MDN1: variants seen among roughly 807,000 people sequenced by gnomAD.
MDN1 encodes the protein midasin.
In MDN1, 266 loss-of-function variants were observed where a neutral mutation model predicts 669.2. The ratio of observed to expected loss-of-function variants is 0.40; its 90% CI spans 0.36 to 0.44. The LOEUF is 0.44. Among genes scored for constraint, MDN1 ranks in the 20% least tolerant of loss-of-function variants. The pLI, the probability that MDN1 is intolerant of heterozygous loss-of-function variation, is 1.00. For synonymous variants in MDN1, 2,385 were observed against 2,457.1 expected (o/e 0.97, Z 0.87); for missense variants, 5,940 against 6,754.0 (o/e 0.88, Z 4.22).
Position 89,749,635 on chromosome 6 carries a change from G to A in MDN1, c.3523C>T (p.Leu1175=), listed in dbSNP as rs772176101. The A allele has an allele frequency of 1.1e-5, 18 of 1,614,136 alleles. No homozygotes were observed. The highest frequency in any genetic ancestry group is 1.5e-5 in the Non-Finnish European group (18 of 1,180,010). Residue 1175 remains leucine (L), a synonymous_variant, in exon 25 of 102, where the codon CTA becomes TTA. Coordinates refer to ENST00000369393, the MANE Select transcript of MDN1 (RefSeq NM_014611.3). ...NRLLDDNREL[L]VTETQEVVKA... is the part of the protein sequence containing the mutation. ...ACAACTTCCTGTGTTTCTGTTACTA[G>A]CAATTCACGGTTATCATCCAACAGC...
chr6:89,710,812 AC>A lies in MDN1; in HGVS notation c.7652-19del. 2 of 1,472,746 alleles carry A rather than the reference AC, an allele frequency of 1.4e-6. No homozygotes were observed. The highest frequency in any genetic ancestry group is 1.9e-6 in the Non-Finnish European group (2 of 1,059,370). 91.2% of individuals were successfully genotyped at this position (1,472,746 alleles called of 1,614,324 possible). On this transcript the variant is annotated intron_variant, in intron 49 of 101. Coordinates refer to ENST00000369393, the MANE Select transcript of MDN1 (RefSeq NM_014611.3). ...TATGGACTCTGTGGAGGAAGGAGAA[AC>A]CAGTGTTAGACTCTAAAGCAGTGCT...
chr6:89,789,987 A>G (rs1819165198), intron 6 of MDN1, 76 bp from the exon 7 acceptor site: 17 of 1,589,064 alleles, frequency 1.1e-5, no homozygotes, highest in Non-Finnish European at 1.5e-5. Flanking sequence ...ATTAACTGTT[A>G]ATCTTCTATA....
chr6:89,654,255 A>T lies in MDN1; in HGVS notation c.15570T>A (p.Leu5190=), dbSNP rs754621142. The T allele has an allele frequency of 1.2e-6, 2 of 1,614,160 alleles. No individual in the cohort carries two copies. Among genetic ancestry groups the T allele is most frequent in the Non-Finnish European group, 1.7e-6 (2 of 1,180,026 alleles). The change falls in exon 93 of 102, where the codon CTT becomes CTA. Residue 5190 remains leucine (L), a synonymous_variant. Transcript: ENST00000369393. ...DQEEEEIEDT[L]MDTEEQEEFK... is the part of the protein sequence containing the mutation. ...ACTCCTCCTGCTCCTCTGTGTCCAT[A>T]AGGGTGTCCTCTATCTCCTCCTCTT...
At chr6:89,671,763 A>C (rs1156883122) in intron 82 of MDN1, among the ~76,000 whole-genome samples, 1 of 152,242 alleles carries the variant, frequency 6.6e-6, no homozygotes, top group Non-Finnish European at 1.5e-5. Context: ...AATGCTACAG[A>C]ATAACATACA....
chr6:89,695,713 C>G lies in MDN1; in HGVS notation c.9663G>C (p.Gly3221=), dbSNP rs745401498. The G allele has an allele frequency of 6.2e-7, 1 of 1,613,778 alleles. No individual in the cohort carries two copies. Among genetic ancestry groups the G allele is most frequent in the East Asian group, 2.2e-5 (1 of 44,866 alleles). Residue 3221 remains glycine (G), a synonymous_variant, in exon 61 of 102, where the codon GGG becomes GGC. Transcript: ENST00000369393. This position sits in a 1 kb window ranked among gnomAD's most constrained non-coding sequence, Gnocchi z 4.1. ...KRSLPEPAQR[G]SLWVSLGLLQ... ...GCAAGCCGAGGCTCACCCAGAGGCT[C>G]CCACGCTGGGCTGGCTCAGGCAGGC...
intron 92 of MDN1, 25 bp from the exon 93 acceptor site, chr6:89,654,359 CAT>C: frequency 6.2e-7 from 1 of 1,612,972 alleles, no homozygotes; most frequent in South Asian, 1.1e-5. Flanking sequence ...CGCACCCACA[CAT>C]AAAAATCCTA....
At chr6:89,781,673 T>A in intron 9 of MDN1, 81 bp from the exon 10 acceptor site, 1 of 1,266,142 alleles carries the variant, frequency 7.9e-7, no homozygotes, top group Admixed American at 2.3e-5. Flanking sequence ...CTGAAACTGG[T>A]CAGCCAAAAA....
intron 97 of MDN1, 113 bp from the exon 98 acceptor site, chr6:89,648,442 T>G: frequency 1.0e-6 from 1 of 953,722 alleles, no homozygotes; most frequent in Non-Finnish European, 1.6e-6. Context: ...GTTTGGCAAG[T>G]AGAGGAATAA....
chr6:89,725,998 T>C (rs1397530126), intron 37 of MDN1, among the ~76,000 whole-genome samples: 1 of 151,832 alleles, frequency 6.6e-6, no homozygotes, highest in Admixed American at 6.6e-5. Flanking sequence ...TTAATAATCT[T>C]TAAACTGAAT....
intron 76 of MDN1, among the ~76,000 whole-genome samples, chr6:89,676,913 T>G (rs755129691): frequency 1.5e-4 from 22 of 151,394 alleles, no homozygotes; most frequent in Middle Eastern, 6.9e-3. Flanking sequence ...TTAGAACTTA[T>G]GAGGAGTGTA....
At chr6:89,766,776 G>A (rs1268983187) in intron 15 of MDN1, among the ~76,000 whole-genome samples, 1 of 152,180 alleles carries the variant, frequency 6.6e-6, no homozygotes, top group Non-Finnish European at 1.5e-5. Flanking sequence ...TTCATGTCAT[G>A]GACAGGGTTC....
chr6:89,748,725 A>G (rs1305455048), intron 26 of MDN1, among the ~76,000 whole-genome samples: 4 of 152,056 alleles, frequency 2.6e-5, no homozygotes, highest in Non-Finnish European at 5.9e-5. Context: ...TGATTAAAAA[A>G]AAAAACTAAA....
Position 89,713,168 on chromosome 6 carries a change from G to A in MDN1, c.7198C>T (p.His2400Tyr), listed in dbSNP as rs756214653. 3 of 1,613,582 alleles carry A rather than the reference G, an allele frequency of 1.9e-6. No homozygotes were observed. The South Asian group carries it at 3.3e-5, about 18-fold the overall frequency. The change falls in exon 47 of 102, where the codon CAT (histidine) becomes TAT (tyrosine). Residue 2400 changes from histidine (H) to tyrosine (Y), a missense_variant. His to Tyr is a moderately conservative substitution (Grantham distance 83). Around this residue, in one of 5 missense-constraint regions of MDN1, gnomAD observed 2,292 missense variants for 2,638.3 expected, o/e 0.87. Coordinates refer to ENST00000369393, the MANE Select transcript of MDN1 (RefSeq NM_014611.3). The part of the protein sequence containing the change: ...ACWEVYVCSQ[H>Y]SPANRKLVQA... ...AGTACCTTCCGGTTTGCTGGTGAAT[G>A]CTGGGAACAGACATATACTTCCCAG... is the stretch of plus-strand genomic sequence containing the variant.
intron 15 of MDN1, among the ~76,000 whole-genome samples, chr6:89,771,121 C>T (rs1258791104): frequency 6.6e-6 from 1 of 152,198 alleles, no homozygotes; most frequent in Non-Finnish European, 1.5e-5. Flanking sequence ...AAATAAGCAA[C>T]TCACACCTTA....
At chr6:89,685,767 T>C (rs1291480952) in intron 70 of MDN1, 60 bp downstream of exon 70, 3 of 1,574,938 alleles carry the variant, frequency 1.9e-6, no homozygotes, top group Non-Finnish European at 2.6e-6. Flanking sequence ...ATGCAGAGAA[T>C]TCAAAGCCTA....
rs1414522513 is a variant in MDN1 at position 89,643,659 on chromosome 6, TCTC to T, written c.*343_*345del. 1.0e-5 allele frequency: 2 copies of T among 191,216 alleles called. No homozygotes were observed. Among genetic ancestry groups the T allele is most frequent in the Non-Finnish European group, 2.2e-5 (2 of 92,722 alleles). The allele number at this position is 191,216 out of a possible 1,614,324, so 11.8% of individuals were successfully genotyped here. A position where few individuals can be genotyped will look rare whatever the true frequency, so the allele number is the denominator to read the frequency against. On this transcript the variant is annotated 3_prime_UTR_variant, in exon 102 of 102. Transcript: ENST00000369393. ...TCAGAGTCCCATGCTCCTGGCAGCA[TCTC>T]CTCAAGGCACAGGTGCCCAGATCCC...
intron 10 of MDN1, 62 bp from the exon 11 acceptor site, chr6:89,780,355 G>A: frequency 9.3e-7 from 1 of 1,079,384 alleles, no homozygotes; most frequent in Non-Finnish European, 1.3e-6. Flanking sequence ...GACATCAAAG[G>A]CATCAGAATT....
In MDN1 at chr6:89,794,794, G is replaced by C. The variant is rs778344328; in HGVS notation, c.337C>G (p.Leu113Val). 4 of 1,613,800 alleles carry C rather than the reference G, an allele frequency of 2.5e-6. No homozygotes were observed. The East Asian group carries it at 8.9e-5, about 36-fold the overall frequency. ...GGGGATGTGTCCTTGAAATATCTCA[G>C]GGCAAACCTTCAAACACAAAGAATA... ...GNHPDVLPFA[L>V]RYFKDTSPVF... Residue 113 changes from leucine to valine, a missense_variant, in exon 3 of 102, where the codon CTG becomes GTG. Leu to Val is a conservative substitution (Grantham distance 32). Around this residue, in one of 5 missense-constraint regions of MDN1, gnomAD observed 1,203 missense variants for 1,268.9 expected, o/e 0.95. Coordinates refer to ENST00000369393, the MANE Select transcript of MDN1 (RefSeq NM_014611.3).
chr6:89,811,444 T>C (rs1187098642), intron 1 of MDN1, among the ~76,000 whole-genome samples: 2 of 145,750 alleles, frequency 1.4e-5, no homozygotes, highest in Non-Finnish European at 3.0e-5. Flanking sequence ...CTTCTTTTTA[T>C]TTTTTTTTTT....
Sources: allele counts gnomAD v4.1 joint callset (sites outside exome capture counted in the v4.1 genomes callset), GRCh38; gene constraint gnomAD v4.1.1; regional missense constraint gnomAD v4.1.1; non-coding constraint Gnocchi (gnomAD v3.1); transcripts MANE v1.5; gene names NCBI Gene and HGNC (gene_info 2026-07-23, HGNC 2026-07-21).